Variants in RAPGEF4 observed in about 807,000 individuals in gnomAD.
RAPGEF4 encodes the protein RAP guanine-nucleotide-exchange factor (GEF) 4.
RAPGEF4 carries 66 observed loss-of-function variants against 147.9 expected under a neutral mutation model. The ratio of observed to expected loss-of-function variants is 0.45; its 90% CI spans 0.37 to 0.55. The LOEUF is 0.55. RAPGEF4 is among the 20% of genes least tolerant of loss of function. The pLI is 0.00. For synonymous variants in RAPGEF4, 419 were observed against 442.7 expected (o/e 0.95, Z 0.67); for missense variants, 1,071 against 1,257.3 (o/e 0.85, Z 2.24).
At chr2:172,844,000 C>A (rs902804367) in intron 4 of RAPGEF4, among the ~76,000 whole-genome samples, 1 of 152,180 alleles carries the variant, frequency 6.6e-6, no homozygotes, top group African/African-American at 2.4e-5. Context: ...AATTGCAAAT[C>A]CTTTGAAGGC....
intron 1 of RAPGEF4, among the ~76,000 whole-genome samples, chr2:172,746,351 CG>C (rs1694765593): frequency 6.6e-6 from 1 of 152,038 alleles, no homozygotes. Context: ...TGTGGGGGCA[CG>C]GGTGTATTCT....
intron 4 of RAPGEF4, among the ~76,000 whole-genome samples, chr2:172,907,135 A>G (rs1414596380): frequency 6.6e-6 from 1 of 152,242 alleles, no homozygotes; most frequent in East Asian, 1.9e-4. Context: ...GATGGAGACA[A>G]TTGATTGGCT....
chr2:172,910,320 C>T (rs1699975798), intron 4 of RAPGEF4, among the ~76,000 whole-genome samples: 1 of 152,196 alleles, frequency 6.6e-6, no homozygotes, highest in Admixed American at 6.5e-5. Flanking sequence ...CTGCACACCA[C>T]TTTGAGGGCT....
rs377074360 is a variant in RAPGEF4 at position 172,918,371 on chromosome 2, CCACACACACA to C, written c.517+528_517+537del. Among the ~76,000 whole-genome samples the C allele has an allele frequency of 2.5e-3, 344 of 137,698 alleles. 3 individuals carry two copies. Among genetic ancestry groups the C allele is most frequent in the African/African-American group, 8.4e-3 (302 of 35,878 alleles). 90.3% of individuals were successfully genotyped at this position (137,698 alleles called of 152,430 possible). ...CCTTTGTGAACTTTAGATGCTCTTA[CCACACACACA>C]CACACACACACACACACACACACAC... is the stretch of plus-strand genomic sequence containing the variant. On this transcript the variant is annotated intron_variant, in intron 5 of 30. Coordinates refer to ENST00000397081, the MANE Select transcript of RAPGEF4 (RefSeq NM_007023.4).
Position 173,020,694 on chromosome 2 carries a change from G to A in RAPGEF4, c.2232G>A (p.Pro744=), listed in dbSNP as rs376935831. 7.7e-5 allele frequency: 125 copies of A among 1,613,508 alleles called. No individual in the cohort carries two copies. Among genetic ancestry groups the A allele is most frequent in the Admixed American group, 6.0e-4 (36 of 59,916 alleles). ...TTAATGGACGCCTGTTTGCTTGCCC[G>A]CGAGAGCAATTCGATTCACTGGTAG... ...LTINGRLFAC[P]REQFDSLTPL... The change falls in exon 23 of 31, where the codon CCG becomes CCA. Residue 744 remains proline (P), a synonymous_variant. Transcript: ENST00000397081.
chr2:172,874,894 C>T (rs1268106368), intron 4 of RAPGEF4, among the ~76,000 whole-genome samples: 1 of 152,198 alleles, frequency 6.6e-6, no homozygotes, highest in Non-Finnish European at 1.5e-5. Flanking sequence ...TTCTCCACAT[C>T]CTCTCCAGCA....
In RAPGEF4 at chr2:172,767,783, T is replaced by C. The variant is rs997533065; in HGVS notation, c.66-27242T>C. On this transcript the variant is annotated intron_variant, in intron 1 of 30. Transcript: ENST00000397081. ...TGCCAGCATCTTCTCTTGAGTTTATTGTGGAAAGCTTAAAAGATGACACTA... is the reference window on the plus strand; with the variant it reads ...TGCCAGCATCTTCTCTTGAGTTTATCGTGGAAAGCTTAAAAGATGACACTA... 9.9e-5 allele frequency among the ~76,000 whole-genome samples: 15 copies of C among 152,268 alleles called. 1 individual carries two copies. The highest frequency in any genetic ancestry group is 7.2e-4 in the Admixed American group (11 of 15,286).
intron 1 of RAPGEF4, among the ~76,000 whole-genome samples, chr2:172,752,294 C>T (rs1695373793): frequency 6.6e-6 from 1 of 152,166 alleles, no homozygotes; most frequent in Non-Finnish European, 1.5e-5. Context: ...GGAAAGTGGT[C>T]CTGGATACCT....
At chr2:172,854,963 C>A (rs1693253188) in intron 4 of RAPGEF4, among the ~76,000 whole-genome samples, 1 of 152,072 alleles carries the variant, frequency 6.6e-6, no homozygotes, top group African/African-American at 2.4e-5. Flanking sequence ...GAAATGATGG[C>A]CCTCCCTACC....
At chr2:173,012,044 G>A (rs2121482) in intron 17 of RAPGEF4, among the ~76,000 whole-genome samples, 92,577 of 151,610 alleles carry the variant, frequency 0.61, 28,661 homozygotes, top group East Asian at 0.89. Flanking sequence ...TTTTAAGATT[G>A]TAGTTTATAG....
intron 23 of RAPGEF4, among the ~76,000 whole-genome samples, chr2:173,025,117 G>C (rs77545794): frequency 2.0e-5 from 3 of 152,174 alleles, no homozygotes; most frequent in Admixed American, 2.0e-4. Context: ...CTGTACCTGG[G>C]TGTCACATGT....
intron 4 of RAPGEF4, among the ~76,000 whole-genome samples, chr2:172,816,351 A>G (rs1688502091): frequency 6.6e-6 from 1 of 151,128 alleles, no homozygotes; most frequent in African/African-American, 2.4e-5. Flanking sequence ...GGCCAGGTCA[A>G]TTTCTCCCAA....
intron 4 of RAPGEF4, among the ~76,000 whole-genome samples, chr2:172,853,073 A>T (rs1241581336): frequency 6.6e-6 from 1 of 151,804 alleles, no homozygotes; most frequent in Non-Finnish European, 1.5e-5. Context: ...ATTGTTAAGG[A>T]TGTTTGTGTC....
chr2:172,985,718 G>A (rs770127610), intron 12 of RAPGEF4, among the ~76,000 whole-genome samples: 1 of 152,072 alleles, frequency 6.6e-6, no homozygotes, highest in Non-Finnish European at 1.5e-5. Context: ...AGTGTTGTGG[G>A]TGCCAGCCTG....
At chr2:173,004,114 C>G (rs1200030232) in intron 17 of RAPGEF4, among the ~76,000 whole-genome samples, 1 of 152,136 alleles carries the variant, frequency 6.6e-6, no homozygotes, top group Non-Finnish European at 1.5e-5. Context: ...GATTTGAGCC[C>G]TGAGCTACTG....
At chr2:173,051,087 G>T (rs745818254) in intron 30 of RAPGEF4, among the ~76,000 whole-genome samples, 1 of 152,162 alleles carries the variant, frequency 6.6e-6, no homozygotes, top group Non-Finnish European at 1.5e-5. Context: ...TGTGAGTTGG[G>T]TTTTTTCTGA....
intron 4 of RAPGEF4, among the ~76,000 whole-genome samples, chr2:172,873,316 A>G (rs1364449439): frequency 6.6e-6 from 1 of 152,198 alleles, no homozygotes; most frequent in African/African-American, 2.4e-5. Context: ...GCTGCTAGGT[A>G]TAGTATCCAT....
At chr2:172,874,788 G>C (rs1695685028) in intron 4 of RAPGEF4, among the ~76,000 whole-genome samples, 1 of 152,176 alleles carries the variant, frequency 6.6e-6, no homozygotes, top group Admixed American at 6.5e-5. Flanking sequence ...GGGTCAAATG[G>C]TATTTCTAGT....
chr2:172,856,657 C>T (rs1693445195), intron 4 of RAPGEF4, among the ~76,000 whole-genome samples: 1 of 152,214 alleles, frequency 6.6e-6, no homozygotes, highest in African/African-American at 2.4e-5. Flanking sequence ...TCAGTTCTTT[C>T]TCCTTAACTG....
Sources: gnomAD v4.1 joint callset for allele counts (sites outside exome capture counted in the v4.1 genomes callset) on GRCh38, gnomAD v4.1.1 for gene constraint, MANE v1.5 for transcripts, NCBI Gene and HGNC (gene_info 2026-07-23, HGNC 2026-07-21) for gene names.